The following PBX3 variants were observed in gnomAD, a reference collection of about 807,000 sequenced individuals.
PBX3 encodes PBX homeobox 3, also known as pre-B-cell leukemia transcription factor 3.
In PBX3, 14 loss-of-function variants were observed where a neutral mutation model predicts 48.5. The observed-to-expected ratio is 0.29, with a 90% CI of 0.19 to 0.45. PBX3 has a LOEUF of 0.45. Ranked by LOEUF, PBX3 falls within the 20% of genes least tolerant of loss-of-function variation. The pLI is 1.00. For missense variants in PBX3, 386 were observed against 546.7 expected, an observed-to-expected ratio of 0.71 and a Z score of 2.93; for synonymous variants, 210 against 200.3, an observed-to-expected ratio of 1.05 and a Z score of -0.41.
chr9:125,914,150 T>G (rs918091755), intron 2 of PBX3, among the ~76,000 whole-genome samples: 2 of 152,220 alleles, frequency 1.3e-5, no homozygotes. Context: ...TTTGCCTATT[T>G]TTAATTATCA....
chr9:125,822,740 A>G (rs949982403), intron 2 of PBX3, among the ~76,000 whole-genome samples: 6 of 152,156 alleles, frequency 3.9e-5, no homozygotes, highest in Non-Finnish European at 7.4e-5. Flanking sequence ...ATCAAAGCAT[A>G]TATTTCATTA....
intron 5 of PBX3, among the ~76,000 whole-genome samples, chr9:125,947,820 A>C (rs1289923960): frequency 2.0e-5 from 3 of 152,218 alleles, no homozygotes; most frequent in Non-Finnish European, 4.4e-5. Context: ...GTATGAAAAA[A>C]TTTAAACAAT....
At chr9:125,886,191 G>A (rs1034937874) in intron 2 of PBX3, among the ~76,000 whole-genome samples, 2 of 151,978 alleles carry the variant, frequency 1.3e-5, no homozygotes, top group Non-Finnish European at 1.5e-5. Context: ...TGACATTAAT[G>A]TAGTGTATAT....
intron 2 of PBX3, among the ~76,000 whole-genome samples, chr9:125,851,433 C>T (rs970573065): frequency 4.6e-5 from 7 of 151,930 alleles, no homozygotes; most frequent in East Asian, 1.9e-4. Flanking sequence ...ATAGAAAGTC[C>T]GTCATTGAAA....
intron 2 of PBX3, among the ~76,000 whole-genome samples, chr9:125,909,001 A>G (rs1469951088): frequency 6.6e-6 from 1 of 152,012 alleles, no homozygotes; most frequent in East Asian, 1.9e-4. Context: ...AGCATACTTC[A>G]TATCTTGCCC....
intron 2 of PBX3, among the ~76,000 whole-genome samples, chr9:125,914,228 T>C (rs949969224): frequency 2.0e-5 from 3 of 152,204 alleles, no homozygotes; most frequent in African/African-American, 7.2e-5. Flanking sequence ...TGTCTTAGTA[T>C]ATTATAGTTT....
intron 2 of PBX3, among the ~76,000 whole-genome samples, chr9:125,870,026 CTT>C (rs568310288): frequency 2.9e-5 from 4 of 137,934 alleles, no homozygotes; most frequent in African/African-American, 5.3e-5. Flanking sequence ...AAAGGCACAT[CTT>C]TTTTTTTTTT....
At chr9:125,923,479 C>T (rs912179739) in intron 3 of PBX3, among the ~76,000 whole-genome samples, 4 of 151,998 alleles carry the variant, frequency 2.6e-5, no homozygotes, top group South Asian at 2.1e-4. Flanking sequence ...TTGGAGACTT[C>T]GTAAAAGCGT....
intron 5 of PBX3, among the ~76,000 whole-genome samples, chr9:125,947,683 G>A (rs1842095403): frequency 6.6e-6 from 1 of 152,074 alleles, no homozygotes; most frequent in Non-Finnish European, 1.5e-5. Context: ...ACCTAAATAT[G>A]TCAGTAATCA....
intron 2 of PBX3, among the ~76,000 whole-genome samples, chr9:125,754,024 G>A (rs187715225): frequency 1.3e-5 from 2 of 152,120 alleles, no homozygotes; most frequent in Admixed American, 6.5e-5. Context: ...ACTGCATTTC[G>A]TGAACCACAC....
At chr9:125,858,595 G>A (rs1328215585) in intron 2 of PBX3, among the ~76,000 whole-genome samples, 1 of 148,494 alleles carries the variant, frequency 6.7e-6, no homozygotes, top group Non-Finnish European at 1.5e-5. Context: ...CACTTTTGGG[G>A]ACCCTACTTT....
Position 125,747,567 on chromosome 9 carries a change from C to T in PBX3, c.114C>T (p.Asp38=), listed in dbSNP as rs773745994. 1 of 1,606,380 alleles carries T rather than the reference C, an allele frequency of 6.2e-7. No homozygotes were observed. Among genetic ancestry groups the T allele is most frequent in the Non-Finnish European group, 8.5e-7 (1 of 1,176,658 alleles). The change falls in exon 1 of 9, where the codon GAC becomes GAT. Residue 38 remains aspartate (D), a synonymous_variant. Coordinates refer to ENST00000373489, the MANE Select transcript of PBX3 (RefSeq NM_006195.6). ...CCCCGCACGGCCACGAAGGGGCGGACGGCGACGGCAGGAAGCAGGACATCG... is the reference window on the plus strand; with the variant it reads ...CCCCGCACGGCCACGAAGGGGCGGATGGCGACGGCAGGAAGCAGGACATCG... ...PPPPHGHEGA[D]GDGRKQDIGD...
chr9:125,771,020 G>C (rs1382272991), intron 2 of PBX3, among the ~76,000 whole-genome samples: 2 of 152,186 alleles, frequency 1.3e-5, no homozygotes, highest in Admixed American at 1.3e-4. Flanking sequence ...AGATGAGATA[G>C]TCTAGGCCTT....
At chr9:125,890,786 G>A (rs1412896876) in intron 2 of PBX3, among the ~76,000 whole-genome samples, 1 of 152,192 alleles carries the variant, frequency 6.6e-6, no homozygotes, top group Non-Finnish European at 1.5e-5. Context: ...AGAGCCAGCA[G>A]AACAACAGAG....
At chr9:125,921,685 T>C (rs1362845185) in intron 3 of PBX3, among the ~76,000 whole-genome samples, 23 of 152,188 alleles carry the variant, frequency 1.5e-4, no homozygotes, top group Admixed American at 1.5e-3. Flanking sequence ...GCTTAGAATC[T>C]TTAAATGCAG....
chr9:125,852,076 A>G (rs953748690), intron 2 of PBX3, among the ~76,000 whole-genome samples: 1 of 152,164 alleles, frequency 6.6e-6, no homozygotes, highest in Non-Finnish European at 1.5e-5. Flanking sequence ...AAAAAGGGAA[A>G]GATGTCTGGC....
At chr9:125,787,377 A>G (rs1837485712) in intron 2 of PBX3, among the ~76,000 whole-genome samples, 1 of 152,080 alleles carries the variant, frequency 6.6e-6, no homozygotes. Flanking sequence ...GTGATGAAGT[A>G]GAGTTTGAAG....
rs539875193 is a variant in PBX3, at chr9:125,851,297, A to C, written c.275-64389A>C. Among the ~76,000 whole-genome samples, 23 of 150,370 alleles carry C rather than the reference A, an allele frequency of 1.5e-4. No individual in the cohort carries two copies. The South Asian group carries it at 4.6e-3, about 30-fold the overall frequency. On this transcript the variant is annotated intron_variant, in intron 2 of 8. Transcript: ENST00000373489. ...GTGTTAATTAGTAAAAGAATTTCCC[A>C]AATCTGTTGATTATGTTTAAAATCT...
At chr9:125,934,661 T>C (rs549848829) in intron 4 of PBX3, among the ~76,000 whole-genome samples, 3 of 152,302 alleles carry the variant, frequency 2.0e-5, no homozygotes, top group Non-Finnish European at 2.9e-5. Flanking sequence ...GTCCAGGAAG[T>C]TGCTTAAGCA....
Sources: allele counts gnomAD v4.1 joint callset (sites outside exome capture counted in the v4.1 genomes callset), GRCh38; gene constraint gnomAD v4.1.1; transcripts MANE v1.5; gene names NCBI Gene and HGNC (gene_info 2026-07-23, HGNC 2026-07-21).